MED1: variants seen among roughly 807,000 people sequenced by gnomAD.
MED1 encodes the protein mediator complex subunit 1.
Under a neutral mutation model 121.3 loss-of-function variants are expected in MED1, and 17 were observed. The ratio of observed to expected loss-of-function variants is 0.14; its 90% CI spans 0.10 to 0.21. MED1 has a LOEUF of 0.21. MED1 is among the 10% of genes least tolerant of loss of function. The pLI is 1.00. For synonymous variants in MED1, 661 were observed against 694.4 expected (o/e 0.95, Z 0.76); for missense variants, 1,558 against 1,919.4 (o/e 0.81, Z 3.52).
At chr17:39,435,429 A>G (rs1221493329) in intron 6 of MED1, among the ~76,000 whole-genome samples, 2 of 152,010 alleles carry the variant, frequency 1.3e-5, no homozygotes, top group Non-Finnish European at 2.9e-5. Flanking sequence ...TTTTGTGGAT[A>G]GGTTTAGGAA....
Position 39,408,766 on chromosome 17 carries a change from T to A in MED1, c.3455A>T (p.Lys1152Met), listed in dbSNP as rs915654108. The A allele has an allele frequency of 1.9e-6, 3 of 1,614,046 alleles. No individual in the cohort carries two copies. Among genetic ancestry groups the A allele is most frequent in the Admixed American group, 1.7e-5 (1 of 59,990 alleles). Residue 1152 changes from lysine (K) to methionine (M), a missense_variant, in exon 17 of 17, where the codon AAG (lysine) becomes ATG (methionine). By Grantham distance (95) the Lys-to-Met change is moderately conservative. Around this residue, in one of 5 missense-constraint regions of MED1, gnomAD observed 793 missense variants for 898.2 expected, o/e 0.88. Transcript: ENST00000300651. The surrounding 1 kb of genome is among the most constrained non-coding windows in gnomAD (Gnocchi z 4.7). ...QSKNSSQSGG[K>M]PGSSPITKHG... ...CTTGGTTATGGGAGAGGAGCCTGGC[T>A]TCCCCCCAGACTGGGATGAATTTTT...
At chr17:39,444,261 C>T (rs1050955356) in intron 2 of MED1, among the ~76,000 whole-genome samples, 8 of 152,116 alleles carry the variant, frequency 5.3e-5, no homozygotes, top group African/African-American at 1.7e-4. Context: ...GTAATCCCAG[C>T]ACTTTGGGAG....
At chr17:39,433,738 T>G (rs1246885153) in intron 7 of MED1, among the ~76,000 whole-genome samples, 5 of 152,004 alleles carry the variant, frequency 3.3e-5, no homozygotes, top group Non-Finnish European at 7.4e-5. Flanking sequence ...GTTGTCTTTC[T>G]GCTAGAGACA....
In MED1 at chr17:39,424,738, A is replaced by G; in HGVS notation, c.740T>C (p.Val247Ala). The G allele has an allele frequency of 6.3e-7, 1 of 1,575,330 alleles. No individual in the cohort carries two copies. Among genetic ancestry groups the G allele is most frequent in the Non-Finnish European group, 8.7e-7 (1 of 1,147,214 alleles). ...ASPIILHENN[V>A]SRSLGMNASV... The stretch of plus-strand genomic sequence containing the variant: ...TGCATTCATGCCCAAAGATCGAGAA[A>G]CTGGGGATAGGAAAGAAAAAGGGTA... Residue 247 changes from valine (V) to alanine (A), a missense_variant and splice_region_variant, in exon 11 of 17, where the codon GTT (valine) becomes GCT (alanine). Around this residue, in one of 5 missense-constraint regions of MED1, gnomAD observed 443 missense variants for 532.4 expected, o/e 0.83. Coordinates refer to ENST00000300651, the MANE Select transcript of MED1 (RefSeq NM_004774.4).
At chr17:39,426,458 T>C (rs111347931) in intron 10 of MED1, among the ~76,000 whole-genome samples, 4,731 of 151,728 alleles carry the variant, frequency 0.031, 171 homozygotes, top group African/African-American at 0.091. Context: ...AATAAATAAA[T>C]AAACAAACAA....
chr17:39,408,134 ATTTGTC>A lies in MED1; in HGVS notation c.4081_4086del (p.Asp1361_Lys1362del), dbSNP rs1281371171. On this transcript the variant is annotated inframe_deletion, in exon 17 of 17. Coordinates refer to ENST00000300651, the MANE Select transcript of MED1 (RefSeq NM_004774.4). The surrounding 1 kb of genome is among the most constrained non-coding windows in gnomAD (Gnocchi z 4.7). ...GAACTCCCGGAGGTGGAAACCTTTGATTTGTCTTTATCACTTTTCTCACGCTTGCCC... is the reference window on the plus strand; with the variant it reads ...GAACTCCCGGAGGTGGAAACCTTTGATTTATCACTTTTCTCACGCTTGCCC... 1 of 1,613,932 alleles carries A rather than the reference ATTTGTC, an allele frequency of 6.2e-7. No homozygotes were observed. The highest frequency in any genetic ancestry group is 8.5e-7 in the Non-Finnish European group (1 of 1,180,004).
rs542969501 is a variant in MED1, at chr17:39,409,875, G to A, written c.2346C>T (p.Ile782=). The A allele has an allele frequency of 6.2e-7, 1 of 1,614,164 alleles. No homozygotes were observed. Among genetic ancestry groups the A allele is most frequent in the Non-Finnish European group, 8.5e-7 (1 of 1,180,012 alleles). ...AAGCTTCTTCTGCAATGTCTGAAAG[G>A]ATGTCAGTTACATCTGGGCCAATGC... ...SDSIGPDVTD[I]LSDIAEEASK... The change falls in exon 17 of 17, where the codon ATC becomes ATT. Residue 782 remains isoleucine, a synonymous_variant. Transcript: ENST00000300651.
intron 9 of MED1, among the ~76,000 whole-genome samples, chr17:39,430,045 T>C (rs2048551291): frequency 6.6e-6 from 1 of 152,144 alleles, no homozygotes; most frequent in African/African-American, 2.4e-5. Context: ...ATTGCACGAC[T>C]GCACTCCAGC....
At chr17:39,419,971 A>G in intron 13 of MED1, 53 bp from the exon 14 acceptor site, 1 of 1,517,518 alleles carries the variant, frequency 6.6e-7, no homozygotes, top group South Asian at 1.1e-5. Flanking sequence ...TTGTATTCCA[A>G]CCACAAAGTA....
intron 5 of MED1, 34 bp from the exon 6 acceptor site, chr17:39,439,227 A>T (rs1463241867): frequency 1.3e-6 from 2 of 1,559,698 alleles, no homozygotes; most frequent in Non-Finnish European, 1.7e-6. Context: ...AAAACATTAA[A>T]ACTACTTTAG....
In MED1 at chr17:39,405,907, C is replaced by G. The variant is rs1293267387; in HGVS notation, c.*1568G>C. 1 of 984,210 alleles carries G rather than the reference C, an allele frequency of 1.0e-6. No homozygotes were observed. The highest frequency in any genetic ancestry group is 1.2e-6 in the Non-Finnish European group (1 of 829,026). The allele number at this position is 984,210 out of a possible 1,614,324, so 61.0% of individuals were successfully genotyped here. A position where few individuals can be genotyped will look rare whatever the true frequency, so the allele number is the denominator to read the frequency against. ...ACGACATAACACACAAAGGAATCAC[C>G]TGGCTTTTTTTTTTTAACCCAGAAG... On this transcript the variant is annotated 3_prime_UTR_variant, in exon 17 of 17. Coordinates refer to ENST00000300651, the MANE Select transcript of MED1 (RefSeq NM_004774.4).
rs1177219302 is a variant in MED1, at chr17:39,421,115, A to AT, written c.1096-1198dup. 2.3e-3 allele frequency among the ~76,000 whole-genome samples: 336 copies of AT among 144,226 alleles called. 1 individual carries two copies. The highest frequency in any genetic ancestry group is 0.022 in the Middle Eastern group (6 of 276). The allele number at this position is 144,226 out of a possible 152,430, so 94.6% of individuals were successfully genotyped here. The stretch of plus-strand genomic sequence containing the variant: ...CCGGCCACATCAGCCTAATTTTTGT[A>AT]TTTTTTTTTTGTAGAGACAGGATTT... On this transcript the variant is annotated intron_variant, in intron 13 of 16. Coordinates refer to ENST00000300651, the MANE Select transcript of MED1 (RefSeq NM_004774.4).
chr17:39,408,646 G>C lies in MED1; in HGVS notation c.3575C>G (p.Ser1192Cys). The change falls in exon 17 of 17, where the codon TCC (serine) becomes TGC (cysteine). Residue 1192 changes from serine to cysteine, a missense_variant. By Grantham distance (112) the Ser-to-Cys change is moderately radical. Coordinates refer to ENST00000300651, the MANE Select transcript of MED1 (RefSeq NM_004774.4). The surrounding 1 kb of genome is among the most constrained non-coding windows in gnomAD (Gnocchi z 4.7). ...TCCAGGTGGCCTTGAATGAGAAGGG[G>C]ATATGTTTGGTTTACTTAAAGAAGG... ...MNPSLSKPNI[S>C]PSHSRPPGGS... 1 of 1,614,164 alleles carries C rather than the reference G, an allele frequency of 6.2e-7. No individual in the cohort carries two copies. Among genetic ancestry groups the C allele is most frequent in the Non-Finnish European group, 8.5e-7 (1 of 1,180,030 alleles).
intron 7 of MED1, 27 bp from the exon 8 acceptor site, chr17:39,432,043 G>A (rs1215865221): frequency 2.0e-6 from 3 of 1,535,742 alleles, no homozygotes; most frequent in Middle Eastern, 3.5e-4. Flanking sequence ...AAGAACATGA[G>A]TTAATAGTTG....
At chr17:39,439,805 G>C (rs1335201067) in intron 5 of MED1, among the ~76,000 whole-genome samples, 1 of 151,990 alleles carries the variant, frequency 6.6e-6, no homozygotes, top group East Asian at 1.9e-4. Flanking sequence ...AGGCATGGTG[G>C]CACACACCTG....
intron 13 of MED1, among the ~76,000 whole-genome samples, chr17:39,420,750 C>T (rs1270340529): frequency 6.6e-6 from 1 of 151,088 alleles, no homozygotes; most frequent in African/African-American, 2.4e-5. Context: ...CTCAGCTTCC[C>T]GAGCAGCTGA....
At chr17:39,445,814 A>C (rs1258520278) in intron 2 of MED1, among the ~76,000 whole-genome samples, 1 of 151,606 alleles carries the variant, frequency 6.6e-6, no homozygotes, top group Admixed American at 6.6e-5. Flanking sequence ...GTGGATCACA[A>C]GGTCAGGAGT....
At position 39,406,009 on chromosome 17, in the gene MED1, G is replaced by A. The variant is rs2048300419; in HGVS notation, c.*1466C>T. 1 of 985,338 alleles carries A rather than the reference G, an allele frequency of 1.0e-6. No individual in the cohort carries two copies. Among genetic ancestry groups the A allele is most frequent in the South Asian group, 4.7e-5 (1 of 21,286 alleles). The allele number at this position is 985,338 out of a possible 1,614,324, so 61.0% of individuals were successfully genotyped here. On this transcript the variant is annotated 3_prime_UTR_variant, in exon 17 of 17. Coordinates refer to ENST00000300651, the MANE Select transcript of MED1 (RefSeq NM_004774.4). ...TAATCAGGAATGGCACAGTGCAGGT[G>A]TCAATATCAAAGTAAGGCCGCAGAA...
intron 6 of MED1, among the ~76,000 whole-genome samples, chr17:39,435,889 C>T (rs902993731): frequency 2.0e-5 from 3 of 151,860 alleles, no homozygotes; most frequent in Non-Finnish European, 2.9e-5. Flanking sequence ...TTTTAGTAGA[C>T]ATAAGGTTTC....
Sources: allele counts gnomAD v4.1 joint callset (sites outside exome capture counted in the v4.1 genomes callset), GRCh38; gene constraint gnomAD v4.1.1; regional missense constraint gnomAD v4.1.1; non-coding constraint Gnocchi (gnomAD v3.1); transcripts MANE v1.5; gene names NCBI Gene and HGNC (gene_info 2026-07-23, HGNC 2026-07-21).